The following DPP10 variants were observed in gnomAD, a reference collection of about 807,000 sequenced individuals.
The protein encoded by DPP10 is dipeptidyl peptidase like 10.
In DPP10, 33 loss-of-function variants were observed where a neutral mutation model predicts 120.9. That is an observed-to-expected ratio of 0.27 (90% CI 0.21 to 0.37). The LOEUF is 0.37. DPP10 is among the 10% of genes least tolerant of loss of function. DPP10 has a pLI of 1.00. For missense variants in DPP10, 816 were observed against 942.8 expected (o/e 0.87, Z 1.76); for synonymous variants, 337 against 326.1 (o/e 1.03, Z -0.36).
chr2:115,297,367 C>T, intron 1 of DPP10: 1 of 275,572 alleles, frequency 3.6e-6, no homozygotes, highest in Non-Finnish European at 7.7e-6. Context: ...TATCGCTCTA[C>T]AATGAATATT....
chr2:114,552,471 A>G (rs1687958689), intron 1 of DPP10, among the ~76,000 whole-genome samples: 2 of 152,224 alleles, frequency 1.3e-5, no homozygotes, highest in Admixed American at 1.3e-4. Context: ...AGTAACAATT[A>G]TGGAATAAAC....
intron 1 of DPP10, among the ~76,000 whole-genome samples, chr2:115,279,318 T>G (rs945804464): frequency 6.6e-6 from 1 of 152,022 alleles, no homozygotes; most frequent in African/African-American, 2.4e-5. Flanking sequence ...AAACAACATT[T>G]TACTATGTGG....
rs1559569617 is a variant in DPP10, at chr2:115,415,840, T to TA, written c.271+71928_271+71929insA. On this transcript the variant is annotated intron_variant, in intron 3 of 25. Coordinates refer to ENST00000410059, the MANE Select transcript of DPP10 (RefSeq NM_020868.6). ...GATCTGTCTTTATACCTGATTTGCT[T>TA]TTATATATATATATATATATATATA... Among the ~76,000 whole-genome samples the TA allele has an allele frequency of 3.2e-3, 269 of 83,394 alleles. 2 individuals carry two copies. The highest frequency in any genetic ancestry group is 0.012 in the African/African-American group (238 of 20,136). 54.7% of individuals were successfully genotyped at this position (83,394 alleles called of 152,430 possible).
At chr2:115,726,768 C>T (rs983484504) in intron 7 of DPP10, among the ~76,000 whole-genome samples, 1 of 152,116 alleles carries the variant, frequency 6.6e-6, no homozygotes, top group Non-Finnish European at 1.5e-5. Flanking sequence ...TCACTGTGCA[C>T]ACCAAGATTT....
At chr2:115,137,273 G>T (rs900887242) in intron 1 of DPP10, among the ~76,000 whole-genome samples, 1 of 152,164 alleles carries the variant, frequency 6.6e-6, no homozygotes, top group East Asian at 1.9e-4. Context: ...GAGAGTGCAA[G>T]AAAAGAATCC....
chr2:114,988,043 A>T (rs1016215786), intron 1 of DPP10, among the ~76,000 whole-genome samples: 3 of 151,808 alleles, frequency 2.0e-5, no homozygotes, highest in African/African-American at 7.3e-5. Flanking sequence ...TGACCTCGTG[A>T]TCCGCCCGCC....
At chr2:114,559,891 C>CA (rs60833358) in intron 1 of DPP10, among the ~76,000 whole-genome samples, 2,585 of 65,786 alleles carry the variant, frequency 0.039, 38 homozygotes, top group East Asian at 0.064. Flanking sequence ...AGAAAAAAAG[C>CA]AAAAAAAAAA....
intron 1 of DPP10, among the ~76,000 whole-genome samples, chr2:115,272,002 A>G (rs796157170): frequency 1.3e-5 from 2 of 152,354 alleles, no homozygotes; most frequent in African/African-American, 2.4e-5. Flanking sequence ...ATGAGCATAC[A>G]TATTCAGCCA....
At chr2:115,636,877 G>A in intron 5 of DPP10, among the ~76,000 whole-genome samples, 1 of 152,074 alleles carries the variant, frequency 6.6e-6, no homozygotes, top group East Asian at 1.9e-4. Context: ...GAATCTAAGA[G>A]GAAGTGGAAT....
rs1426377495 is a variant in DPP10 at position 115,108,578 on chromosome 2, C to G, written c.61-200661C>G. On this transcript the variant is annotated intron_variant, in intron 1 of 25. Coordinates refer to ENST00000410059, the MANE Select transcript of DPP10 (RefSeq NM_020868.6). ...AATCTCTTGGAGACATTTGGCCTAC[C>G]AGTAAGCCAATTTAAAACCTGTGTG... Among the ~76,000 whole-genome samples, 3 of 152,058 alleles carry G rather than the reference C, an allele frequency of 2.0e-5. No homozygotes were observed. In the East Asian group the frequency reaches 5.8e-4, roughly 29 times the overall value.
At chr2:114,766,690 T>C (rs1177685466) in intron 1 of DPP10, among the ~76,000 whole-genome samples, 1 of 152,166 alleles carries the variant, frequency 6.6e-6, no homozygotes, top group Non-Finnish European at 1.5e-5. Flanking sequence ...ATATTACAAA[T>C]TGTATAATTT....
chr2:115,442,768 A>AT (rs1236995983), intron 3 of DPP10, among the ~76,000 whole-genome samples: 10 of 152,116 alleles, frequency 6.6e-5, no homozygotes, highest in East Asian at 1.9e-4. Flanking sequence ...TCTCACAGAC[A>AT]TTTTTTTTCT....
intron 1 of DPP10, among the ~76,000 whole-genome samples, chr2:114,677,776 A>G (rs17043347): frequency 0.015 from 2,241 of 152,250 alleles, 58 homozygotes; most frequent in African/African-American, 0.051. Flanking sequence ...ATTGTGCTAA[A>G]ATAGATGTTT....
intron 7 of DPP10, among the ~76,000 whole-genome samples, chr2:115,701,519 G>C (rs1306079775): frequency 6.6e-6 from 1 of 152,046 alleles, no homozygotes. Flanking sequence ...GAAGATATTG[G>C]AAGGAATAAA....
intron 1 of DPP10, among the ~76,000 whole-genome samples, chr2:115,105,261 A>G (rs902028974): frequency 6.6e-6 from 1 of 152,212 alleles, no homozygotes; most frequent in Non-Finnish European, 1.5e-5. Flanking sequence ...ATTGCTATAA[A>G]GGAATACCTG....
At chr2:115,358,660 A>G (rs1476685338) in intron 3 of DPP10, among the ~76,000 whole-genome samples, 1 of 152,136 alleles carries the variant, frequency 6.6e-6, no homozygotes, top group Non-Finnish European at 1.5e-5. Flanking sequence ...TACCAGTACA[A>G]ATTTACTGTA....
intron 3 of DPP10, among the ~76,000 whole-genome samples, chr2:115,482,843 TC>T (rs2075523523): frequency 6.6e-6 from 1 of 152,046 alleles, no homozygotes; most frequent in Admixed American, 6.6e-5. Context: ...TCTTATTTTT[TC>T]TTTTCATTAT....
At chr2:114,659,722 T>C (rs1697250525) in intron 1 of DPP10, among the ~76,000 whole-genome samples, 2 of 152,188 alleles carry the variant, frequency 1.3e-5, no homozygotes, top group South Asian at 4.1e-4. Context: ...TTTTTGGAAA[T>C]GGATTTTGCA....
At chr2:115,364,994 G>C (rs1218515298) in intron 3 of DPP10, among the ~76,000 whole-genome samples, 1 of 152,084 alleles carries the variant, frequency 6.6e-6, no homozygotes, top group Non-Finnish European at 1.5e-5. Flanking sequence ...AAAGTGTTAT[G>C]ACTAACACTG....
Sources: gnomAD v4.1 joint callset for allele counts (sites outside exome capture counted in the v4.1 genomes callset) on GRCh38, gnomAD v4.1.1 for gene constraint, MANE v1.5 for transcripts, NCBI Gene and HGNC (gene_info 2026-07-23, HGNC 2026-07-21) for gene names.